CDH8: variants seen among roughly 807,000 people sequenced by gnomAD.
CDH8 encodes the protein cadherin-8.
CDH8 carries 17 observed loss-of-function variants against 68.1 expected under a neutral mutation model. The ratio of observed to expected loss-of-function variants is 0.25; its 90% CI spans 0.17 to 0.37. CDH8 has a LOEUF of 0.37. CDH8 is among the 10% of genes least tolerant of loss of function. CDH8 has a pLI of 1.00. For missense variants in CDH8, 763 were observed against 999.3 expected (o/e 0.76, Z 3.19); for synonymous variants, 372 against 365.1 (o/e 1.02, Z -0.21).
Position 61,808,134 on chromosome 16 carries a change from A to G in CDH8, c.1277+9345T>C, listed in dbSNP as rs962209458. Among the ~76,000 whole-genome samples, 9 of 152,242 alleles carry G rather than the reference A, an allele frequency of 5.9e-5. No individual in the cohort carries two copies. In the East Asian group the frequency reaches 1.7e-3, roughly 29 times the overall value. ...CCTAGTGTCATACAGAAGAATGCAT[A>G]TTCAAGTTTGATGTACAAACTACAA... On this transcript the variant is annotated intron_variant, in intron 7 of 11. Transcript: ENST00000577390.
At position 61,648,312 on chromosome 16, in the gene CDH8, C is replaced by A. The variant is rs16963750; in HGVS notation, c.*5296G>T. On this transcript the variant is annotated 3_prime_UTR_variant, in exon 12 of 12. Coordinates refer to ENST00000577390, the MANE Select transcript of CDH8 (RefSeq NM_001796.5). The stretch of plus-strand genomic sequence containing the variant: ...ATCTTTCTGAATGTCCAAAAGTGTG[C>A]CATTGGTGCTTTTTATAATTTTCCC... 6.6e-6 allele frequency: 1 copy of A among 152,006 alleles called. No homozygotes were observed. The highest frequency in any genetic ancestry group is 1.9e-4 in the East Asian group (1 of 5,150). 9.4% of individuals were successfully genotyped at this position (152,006 alleles called of 1,614,324 possible).
At chr16:61,923,657 C>T (rs1055107132) in intron 2 of CDH8, among the ~76,000 whole-genome samples, 2 of 150,552 alleles carry the variant, frequency 1.3e-5, no homozygotes, top group African/African-American at 2.4e-5. Flanking sequence ...AGTTCCCTGA[C>T]CAGAATATTG....
intron 1 of CDH8, chr16:62,032,122 C>A (rs982634872): frequency 2.6e-5 from 4 of 152,110 alleles, no homozygotes; most frequent in Admixed American, 6.6e-5. Flanking sequence ...CATAAACATA[C>A]GTGTATTAGA....
intron 10 of CDH8, among the ~76,000 whole-genome samples, chr16:61,660,588 A>T (rs1278309915): frequency 6.6e-6 from 1 of 152,058 alleles, no homozygotes; most frequent in African/African-American, 2.4e-5. Flanking sequence ...TACATCCAGA[A>T]AGCTCAGGGA....
At chr16:61,807,400 C>A (rs897574068) in intron 7 of CDH8, among the ~76,000 whole-genome samples, 1 of 151,218 alleles carries the variant, frequency 6.6e-6, no homozygotes, top group Non-Finnish European at 1.5e-5. Flanking sequence ...TGCAGCGCAC[C>A]AGCATGGCAC....
intron 3 of CDH8, among the ~76,000 whole-genome samples, chr16:61,883,494 A>G (rs1384088627): frequency 6.6e-6 from 1 of 152,078 alleles, no homozygotes; most frequent in East Asian, 1.9e-4. Context: ...ATATTAACAT[A>G]TATTTTACAT....
chr16:61,968,446 G>A (rs1965289097), intron 2 of CDH8, among the ~76,000 whole-genome samples: 1 of 152,146 alleles, frequency 6.6e-6, no homozygotes, highest in Non-Finnish European at 1.5e-5. Context: ...GCACAATGGT[G>A]AGTCAAATCC....
At chr16:61,912,226 TA>T (rs1035376632) in intron 2 of CDH8, among the ~76,000 whole-genome samples, 4 of 151,238 alleles carry the variant, frequency 2.6e-5, no homozygotes, top group African/African-American at 9.7e-5. Context: ...TTGAGGTTTT[TA>T]AAAAAAAAGA....
intron 3 of CDH8, among the ~76,000 whole-genome samples, chr16:61,864,457 T>C (rs1382369449): frequency 6.6e-6 from 1 of 152,142 alleles, no homozygotes; most frequent in Non-Finnish European, 1.5e-5. Flanking sequence ...ATGCAGCCCA[T>C]GCATTCATTT....
chr16:61,754,692 T>C (rs1277087695), intron 8 of CDH8, among the ~76,000 whole-genome samples: 1 of 152,182 alleles, frequency 6.6e-6, no homozygotes, highest in African/African-American at 2.4e-5. Context: ...CAATAAATTA[T>C]TGTTAACTAT....
intron 3 of CDH8, among the ~76,000 whole-genome samples, chr16:61,866,492 A>G (rs1963254953): frequency 6.6e-6 from 1 of 152,124 alleles, no homozygotes; most frequent in Admixed American, 6.6e-5. Context: ...GATGTAATTG[A>G]AAGTACAGAT....
chr16:61,753,051 G>GT (rs1455544979), intron 8 of CDH8, among the ~76,000 whole-genome samples: 2 of 152,268 alleles, frequency 1.3e-5, no homozygotes, highest in African/African-American at 4.8e-5. Flanking sequence ...AAATTCCAGA[G>GT]TAAGGGCACT....
At chr16:61,758,227 T>A (rs1960371507) in intron 8 of CDH8, among the ~76,000 whole-genome samples, 1 of 152,102 alleles carries the variant, frequency 6.6e-6, no homozygotes, top group East Asian at 1.9e-4. Context: ...CCATGACACC[T>A]TTGAGTCATG....
chr16:61,842,734 C>G (rs1316872648), intron 4 of CDH8, among the ~76,000 whole-genome samples: 1 of 152,164 alleles, frequency 6.6e-6, no homozygotes, highest in East Asian at 1.9e-4. Context: ...AGAGCCAGAG[C>G]AGTACTGCCC....
chr16:61,755,703 T>C (rs1176675478), intron 8 of CDH8, among the ~76,000 whole-genome samples: 1 of 152,200 alleles, frequency 6.6e-6, no homozygotes, highest in Non-Finnish European at 1.5e-5. Context: ...ACACATTTAA[T>C]CAAGATAAAA....
chr16:61,867,920 T>C (rs1426956901), intron 3 of CDH8, among the ~76,000 whole-genome samples: 2 of 152,150 alleles, frequency 1.3e-5, no homozygotes, highest in Non-Finnish European at 2.9e-5. Context: ...TTAGGAACAA[T>C]ATTCTTTCTT....
At chr16:61,947,163 CATGA>C (rs1310339187) in intron 2 of CDH8, among the ~76,000 whole-genome samples, 1 of 107,924 alleles carries the variant, frequency 9.3e-6, no homozygotes, top group Admixed American at 8.8e-5. Context: ...TAATTCTATA[CATGA>C]ATATTATTTC....
chr16:61,664,763 G>A (rs1596844137), intron 10 of CDH8, among the ~76,000 whole-genome samples: 1 of 151,866 alleles, frequency 6.6e-6, no homozygotes, highest in African/African-American at 2.4e-5. Flanking sequence ...TGTTAAAGAG[G>A]TGCATACCAG....
At chr16:61,788,768 A>G (rs1386916822) in intron 8 of CDH8, among the ~76,000 whole-genome samples, 1 of 152,084 alleles carries the variant, frequency 6.6e-6, no homozygotes, top group Non-Finnish European at 1.5e-5. Context: ...ATGTTTTCAC[A>G]AAATGTATGA....
Sources: allele counts gnomAD v4.1 joint callset (sites outside exome capture counted in the v4.1 genomes callset), GRCh38; gene constraint gnomAD v4.1.1; transcripts MANE v1.5; gene names NCBI Gene and HGNC (gene_info 2026-07-23, HGNC 2026-07-21).